Variants in MAF observed in about 807,000 individuals in gnomAD.
The protein encoded by MAF is transcription factor Maf.
A neutral mutation model predicts 22.0 loss-of-function variants in MAF; 10 were observed. The observed-to-expected ratio is 0.45, with a 90% confidence interval of 0.28 to 0.77. The LOEUF (loss-of-function observed/expected upper bound fraction) is 0.77. Among genes scored for constraint, MAF ranks in the 30% least tolerant of loss-of-function variants. The probability of loss-of-function intolerance (pLI) is 0.12; values close to 1 mark genes in which losing one functional copy is unlikely to be tolerated. For missense variants in MAF, 544 were observed against 548.4 expected (o/e 0.99, Z 0.08); for synonymous variants, 337 against 255.8 (o/e 1.32, Z -3.03).
rs1378772122 is a variant in MAF at position 79,599,585 on chromosome 16, C to T, written c.318G>A (p.Leu106=). 2 of 1,606,334 alleles carry T rather than the reference C, an allele frequency of 1.2e-6. No homozygotes were observed. The highest frequency in any genetic ancestry group is 1.3e-5 in the African/African-American group (1 of 74,830). The change falls in exon 1 of 2, where the codon CTG becomes CTA. Residue 106 remains leucine (L), a synonymous_variant. Transcript: ENST00000326043. Reference sequence around the variant, plus strand: ...CGACCGCGTCCTCGGGGCTGAAGCCCAGCGCCTCGGGGTTCAGCTGCTGCG... The same window carrying T: ...CGACCGCGTCCTCGGGGCTGAAGCCTAGCGCCTCGGGGTTCAGCTGCTGCG... ...GYPQQLNPEA[L]GFSPEDAVEA...
At chr16:79,474,929 T>C in the MAF span, among the ~76,000 whole-genome samples, 1 of 152,200 alleles carries the variant, frequency 6.6e-6, no homozygotes, top group African/African-American at 2.4e-5. Context: ...TCCTAGCAAC[T>C]AGAAATGTGT....
At chr16:79,460,563 T>C in the MAF span, among the ~76,000 whole-genome samples, 1 of 152,004 alleles carries the variant, frequency 6.6e-6, no homozygotes, top group African/African-American at 2.4e-5. Context: ...TCCCTATCAA[T>C]TAGGGATAAA....
the MAF span, among the ~76,000 whole-genome samples, chr16:79,384,956 G>C: frequency 6.6e-6 from 1 of 152,108 alleles, no homozygotes; most frequent in Non-Finnish European, 1.5e-5. Context: ...AAGACACTGA[G>C]GCCATATTTG....
At chr16:79,388,513 G>C in the MAF span, among the ~76,000 whole-genome samples, 1 of 151,866 alleles carries the variant, frequency 6.6e-6, no homozygotes, top group Non-Finnish European at 1.5e-5. Flanking sequence ...TTTTTTCTTG[G>C]CTATGTATTA....
the MAF span, among the ~76,000 whole-genome samples, chr16:79,285,629 T>A: frequency 1.3e-5 from 2 of 152,108 alleles, no homozygotes; most frequent in African/African-American, 4.8e-5. Flanking sequence ...GTGATTCTGG[T>A]GGCCTCCAGG....
chr16:79,260,162 T>C, the MAF span, among the ~76,000 whole-genome samples: 1 of 152,224 alleles, frequency 6.6e-6, no homozygotes, highest in African/African-American at 2.4e-5. Flanking sequence ...TGGTGTTTGT[T>C]TATTTTGAGA....
the MAF span, among the ~76,000 whole-genome samples, chr16:79,316,888 T>C: frequency 1.1e-4 from 17 of 152,218 alleles, no homozygotes; most frequent in Admixed American, 4.6e-4. Context: ...GAAAGCAATG[T>C]TCATTGGACA....
rs929103645 is a variant in MAF, at chr16:79,586,010, T to G, written c.1119-69A>C. 9.4e-6 allele frequency: 6 copies of G among 639,534 alleles called. No individual in the cohort carries two copies. The African/African-American group carries it at 1.1e-4, about 12-fold the overall frequency. 39.6% of individuals were successfully genotyped at this position (639,534 alleles called of 1,614,324 possible). A position where few individuals can be genotyped will look rare whatever the true frequency, so the allele number is the denominator to read the frequency against. ...ACCACGAAGAATGTTTCAAGAACAGTATGCTACAGGCAGCCTAACTATCTA... is the reference window on the plus strand; with the variant it reads ...ACCACGAAGAATGTTTCAAGAACAGGATGCTACAGGCAGCCTAACTATCTA... On this transcript the variant is annotated intron_variant, in intron 1 of 1. Coordinates refer to the MAF transcript ENST00000569649.
At chr16:79,439,425 C>G in the MAF span, among the ~76,000 whole-genome samples, 3 of 151,808 alleles carry the variant, frequency 2.0e-5, no homozygotes, top group Admixed American at 2.0e-4. Context: ...CCATGCCCGG[C>G]TAATTTTTGT....
the MAF span, among the ~76,000 whole-genome samples, chr16:79,246,945 T>C: frequency 6.6e-6 from 1 of 152,322 alleles, no homozygotes; most frequent in South Asian, 2.1e-4. Context: ...GGAACTCCCA[T>C]TCTGTAGACA....
the MAF span, among the ~76,000 whole-genome samples, chr16:79,242,588 C>G: frequency 1.3e-5 from 2 of 151,922 alleles, no homozygotes; most frequent in Non-Finnish European, 2.9e-5. Flanking sequence ...GACTTAGACT[C>G]CCACACACTA....
the MAF span, among the ~76,000 whole-genome samples, chr16:79,442,949 C>A: frequency 6.6e-6 from 1 of 152,118 alleles, no homozygotes; most frequent in African/African-American, 2.4e-5. Context: ...ATTGGTACAC[C>A]AGCCAGAAAT....
the MAF span, among the ~76,000 whole-genome samples, chr16:79,569,184 G>A: frequency 6.6e-6 from 1 of 152,196 alleles, no homozygotes; most frequent in African/African-American, 2.4e-5. Flanking sequence ...TTGACATCGA[G>A]GGTCGGATAA....
chr16:79,459,698 G>T, the MAF span, among the ~76,000 whole-genome samples: 1 of 151,694 alleles, frequency 6.6e-6, no homozygotes, highest in East Asian at 1.9e-4. Context: ...TCAGCCTCCC[G>T]ACTAGCTGGG....
At chr16:79,421,715 C>T in the MAF span, among the ~76,000 whole-genome samples, 1 of 151,114 alleles carries the variant, frequency 6.6e-6, no homozygotes, top group South Asian at 2.1e-4. Flanking sequence ...TTGGCCGCTG[C>T]AACCTTGAGC....
chr16:79,483,937 C>A, the MAF span, among the ~76,000 whole-genome samples: 1 of 152,120 alleles, frequency 6.6e-6, no homozygotes. Context: ...ATGTGTTACC[C>A]CTCCTGGTAG....
At chr16:79,503,116 T>A in the MAF span, among the ~76,000 whole-genome samples, 1 of 152,090 alleles carries the variant, frequency 6.6e-6, no homozygotes, top group African/African-American at 2.4e-5. Context: ...CAGCTTGGTT[T>A]ACGGGCTGGG....
the MAF span, among the ~76,000 whole-genome samples, chr16:79,461,335 T>C: frequency 1.3e-5 from 2 of 152,190 alleles, no homozygotes; most frequent in South Asian, 2.1e-4. Context: ...ACCAGTCTAT[T>C]GTGAGTATTT....
the MAF span, among the ~76,000 whole-genome samples, chr16:79,218,571 A>G: frequency 1.3e-5 from 2 of 152,212 alleles, no homozygotes; most frequent in Non-Finnish European, 2.9e-5. Flanking sequence ...GTTTGTTTAC[A>G]ACCTTATCAA....
Sources: allele counts gnomAD v4.1 joint callset (sites outside exome capture counted in the v4.1 genomes callset), GRCh38; gene constraint gnomAD v4.1.1; transcripts MANE v1.5; gene names NCBI Gene and HGNC (gene_info 2026-07-23, HGNC 2026-07-21).